The following PHF24 variants were observed in gnomAD, a reference collection of about 807,000 sequenced individuals.
The protein encoded by PHF24 is Galpha inhibitory interacting protein.
In PHF24, 25 loss-of-function variants were observed where a neutral mutation model predicts 42.6. That is an observed-to-expected ratio of 0.59 (90% CI 0.43 to 0.82). The LOEUF (loss-of-function observed/expected upper bound fraction) is 0.82, where lower values mean the gene tolerates loss of function less well. Among genes scored for constraint, PHF24 ranks in the 40% least tolerant of loss-of-function variants. The pLI, the probability that PHF24 is intolerant of heterozygous loss-of-function variation, is 0.00. For missense variants in PHF24, 470 were observed against 538.1 expected, an observed-to-expected ratio of 0.87 and a Z score of 1.25; for synonymous variants, 185 against 204.8, an observed-to-expected ratio of 0.90 and a Z score of 0.83.
the PHF24 span, among the ~76,000 whole-genome samples, chr9:34,763,017 G>A: frequency 1.4e-4 from 21 of 152,236 alleles, no homozygotes; most frequent in Admixed American, 1.2e-3. Context: ...TAGATATGTG[G>A]CATTATTTCT....
the PHF24 span, chr9:34,922,270 T>G: frequency 1.3e-6 from 2 of 1,591,598 alleles, no homozygotes; most frequent in Non-Finnish European, 1.7e-6. Flanking sequence ...AGTAATTGCA[T>G]TATTAGTGTG....
At chr9:34,667,509 G>A in the PHF24 span, among the ~76,000 whole-genome samples, 1 of 152,212 alleles carries the variant, frequency 6.6e-6, no homozygotes, top group African/African-American at 2.4e-5. Flanking sequence ...GGCTGGGTCA[G>A]GTCTGGTGCC....
the PHF24 span, chr9:34,835,224 A>G: frequency 6.4e-7 from 1 of 1,552,212 alleles, no homozygotes; most frequent in South Asian, 1.2e-5. Flanking sequence ...CATGAACACC[A>G]GGTCTGGAGG....
At chr9:34,956,496 C>A (rs1218610887), upstream of PHF24, among the ~76,000 whole-genome samples, 1 of 152,182 alleles carries the variant, frequency 6.6e-6, no homozygotes, top group African/African-American at 2.4e-5. Flanking sequence ...AGGTGACTCA[C>A]CTGCCTCGGC....
chr9:34,710,081 G>T, the PHF24 span: 2 of 1,612,214 alleles, frequency 1.2e-6, no homozygotes, highest in Non-Finnish European at 1.7e-6. Context: ...GTGGTAGAGG[G>T]TGAGTAAGAG....
the PHF24 span, among the ~76,000 whole-genome samples, chr9:34,691,825 G>A: frequency 3.9e-5 from 6 of 152,140 alleles, no homozygotes; most frequent in African/African-American, 1.2e-4. Context: ...GGAGGCCCAG[G>A]ACCCCCATCC....
chr9:34,703,567 T>C, the PHF24 span, among the ~76,000 whole-genome samples: 1 of 151,934 alleles, frequency 6.6e-6, no homozygotes, highest in African/African-American at 2.4e-5. Flanking sequence ...TAAGTAGGAA[T>C]TGTGGCCAGC....
At chr9:34,795,310 G>A in the PHF24 span, among the ~76,000 whole-genome samples, 1 of 151,778 alleles carries the variant, frequency 6.6e-6, no homozygotes, top group African/African-American at 2.4e-5. Flanking sequence ...CCTTTAAAAT[G>A]CTAAAAGAAA....
chr9:34,926,643 C>T, the PHF24 span, among the ~76,000 whole-genome samples: 1 of 152,082 alleles, frequency 6.6e-6, no homozygotes, highest in Non-Finnish European at 1.5e-5. The surrounding 1 kb of genome is among the most constrained non-coding windows in gnomAD (Gnocchi z 4.3). Flanking sequence ...GGGCCTGAGA[C>T]ATGGGTGCAC....
At chr9:34,875,944 A>ACTCTCTCTCTCTCTCTCTCTCT in the PHF24 span, among the ~76,000 whole-genome samples, 1 of 85,588 alleles carries the variant, frequency 1.2e-5, no homozygotes, top group African/African-American at 5.2e-5. Context: ...ACACACACAC[A>ACTCTCTCTCTCTCTCTCTCTCT]CACACACTCT....
At chr9:34,683,455 A>G in the PHF24 span, among the ~76,000 whole-genome samples, 1 of 152,292 alleles carries the variant, frequency 6.6e-6, no homozygotes, top group East Asian at 1.9e-4. Context: ...TGGTAAGGGG[A>G]GAGCCCATCA....
the PHF24 span, among the ~76,000 whole-genome samples, chr9:34,871,205 C>T: frequency 3.3e-5 from 5 of 152,184 alleles, no homozygotes; most frequent in South Asian, 4.1e-4. Flanking sequence ...TGGTGTGGAA[C>T]ATCTTTTCAC....
the PHF24 span, among the ~76,000 whole-genome samples, chr9:34,684,520 G>T: frequency 1.3e-5 from 2 of 152,268 alleles, no homozygotes; most frequent in South Asian, 2.1e-4. Context: ...TGAGAGGAAT[G>T]GTGGCTTGAT....
chr9:34,865,430 G>T, the PHF24 span, among the ~76,000 whole-genome samples: 2 of 151,802 alleles, frequency 1.3e-5, no homozygotes, highest in Non-Finnish European at 2.9e-5. Context: ...CAGGTGTGGT[G>T]GTGGGCACCT....
chr9:34,956,857 T>G (rs1204137303), upstream of PHF24, among the ~76,000 whole-genome samples: 2 of 152,244 alleles, frequency 1.3e-5, no homozygotes, highest in East Asian at 3.8e-4. Context: ...AGTACTAATT[T>G]TAGAACTCCA....
chr9:34,893,027 G>A, the PHF24 span: 1 of 936,440 alleles, frequency 1.1e-6, no homozygotes, highest in Non-Finnish European at 1.7e-6. Flanking sequence ...TGAAGTCAGG[G>A]AGATCTGGTT....
At chr9:34,823,444 A>G in the PHF24 span, among the ~76,000 whole-genome samples, 3 of 152,082 alleles carry the variant, frequency 2.0e-5, no homozygotes, top group Non-Finnish European at 4.4e-5. Context: ...TTAGTGTCAG[A>G]TGGTGTCCAC....
At chr9:34,735,523 G>T in the PHF24 span, among the ~76,000 whole-genome samples, 1 of 151,738 alleles carries the variant, frequency 6.6e-6, no homozygotes, top group Non-Finnish European at 1.5e-5. Flanking sequence ...AAAGCAGGCC[G>T]GGCACGGTGG....
the PHF24 span, among the ~76,000 whole-genome samples, chr9:34,875,938 A>ACTCTCTCT: frequency 7.3e-4 from 65 of 88,494 alleles, no homozygotes; most frequent in African/African-American, 1.5e-3. Context: ...ACACACACAC[A>ACTCTCTCT]CACACACACA....
Sources: gnomAD v4.1 joint callset for allele counts (sites outside exome capture counted in the v4.1 genomes callset) on GRCh38, gnomAD v4.1.1 for gene constraint, Gnocchi (gnomAD v3.1) non-coding constraint, MANE v1.5 for transcripts, NCBI Gene and HGNC (gene_info 2026-07-23, HGNC 2026-07-21) for gene names.